The following PCDH11Y variants were observed in gnomAD, a reference collection of about 807,000 sequenced individuals.
PCDH11Y encodes the protein protocadherin-11 Y-linked.
For synonymous variants in PCDH11Y, 9 were observed against 83.6 expected (o/e 0.11, Z 4.87); for missense variants, 12 against 224.8 (o/e 0.05, Z 6.05).
chrY:5,506,527 C>T, intron 3 of PCDH11Y, among the ~76,000 whole-genome samples: 1 of 32,426 alleles, frequency 3.1e-5, no homozygotes, highest in Non-Finnish European at 7.6e-5. Context: ...AAATTATGCT[C>T]CCTTTAAAGG....
chrY:5,600,132 CTTTTTTTTTTTTTTT>C (rs2053471356), intron 4 of PCDH11Y, among the ~76,000 whole-genome samples: 1 of 12,139 alleles, frequency 8.2e-5, no homozygotes, highest in African/African-American at 3.3e-4. Flanking sequence ...GAGAAATATG[CTTTTTTTTTTTTTTT>C]TTTTTTTTTT....
intron 2 of PCDH11Y, among the ~76,000 whole-genome samples, chrY:5,246,577 G>A: frequency 3.0e-5 from 1 of 33,293 alleles, no homozygotes; most frequent in African/African-American, 1.2e-4. Flanking sequence ...AGCTCCTGTA[G>A]GAAGCACTAA....
At chrY:5,710,299 C>G in intron 4 of PCDH11Y, among the ~76,000 whole-genome samples, 2 of 31,517 alleles carry the variant, frequency 6.3e-5, no homozygotes, top group African/African-American at 2.5e-4. Context: ...TCGCCAGGGC[C>G]CCAAGGGAAA....
intron 2 of PCDH11Y, among the ~76,000 whole-genome samples, chrY:5,183,637 G>T: frequency 1.8e-4 from 5 of 28,415 alleles, no homozygotes; most frequent in Admixed American, 1.0e-3. Flanking sequence ...GTATAAAGTG[G>T]CACTGTTCCC....
chrY:5,037,650 A>G (rs1171211367), intron 3 of PCDH11Y: 1 of 113,677 alleles, frequency 8.8e-6, no homozygotes, highest in South Asian at 4.3e-5. Context: ...ATAAATTCTG[A>G]AAATTATCAT....
intron 4 of PCDH11Y, among the ~76,000 whole-genome samples, chrY:5,588,968 G>A (rs2053458350): frequency 9.2e-5 from 3 of 32,716 alleles, no homozygotes; most frequent in Admixed American, 8.3e-4. Flanking sequence ...TTTAAGGCCA[G>A]TTACTCTTAG....
At chrY:5,363,485 A>T in intron 2 of PCDH11Y, among the ~76,000 whole-genome samples, 1 of 32,256 alleles carries the variant, frequency 3.1e-5, no homozygotes, top group East Asian at 8.0e-4. Flanking sequence ...GAAATCTCAA[A>T]GTGAGGCCTT....
chrY:5,402,657 T>C (rs1414179226), intron 2 of PCDH11Y, among the ~76,000 whole-genome samples: 5 of 22,317 alleles, frequency 2.2e-4, no homozygotes, highest in African/African-American at 3.7e-4. Flanking sequence ...TATTTCTTTT[T>C]TTTTTTTTTT....
At chrY:5,201,212 A>G (rs2052926566) in intron 2 of PCDH11Y, among the ~76,000 whole-genome samples, 1 of 32,846 alleles carries the variant, frequency 3.0e-5, no homozygotes, top group Non-Finnish European at 7.5e-5. Context: ...CTTTTATGCT[A>G]TCTAGCCACT....
chrY:5,410,828 G>A (rs2124678376), intron 2 of PCDH11Y, among the ~76,000 whole-genome samples: 1 of 32,889 alleles, frequency 3.0e-5, no homozygotes, highest in South Asian at 6.9e-4. Flanking sequence ...GGACGATGGC[G>A]TCCAGCTCCA....
rs2124667212 is a variant in PCDH11Y at position 5,329,744 on chromosome Y, A to G, written c.3130-171313A>G. On this transcript the variant is annotated intron_variant, in intron 2 of 4. Coordinates refer to the PCDH11Y transcript ENST00000400457. Reference sequence around the variant, plus strand: ...AGGAATTGAAATTAAGAGAAGGGAGAGATTGAAGTGTGGTTCCAAGATTGA... The same window carrying G: ...AGGAATTGAAATTAAGAGAAGGGAGGGATTGAAGTGTGGTTCCAAGATTGA... 6.1e-4 allele frequency among the ~76,000 whole-genome samples: 20 copies of G among 32,951 alleles called. No homozygotes were observed. In the South Asian group the frequency reaches 0.014, roughly 23 times the overall value. The allele number at this position is 32,951 out of a possible 37,273, so 88.4% of individuals were successfully genotyped here.
chrY:5,529,552 C>T (rs2053390935), intron 3 of PCDH11Y, among the ~76,000 whole-genome samples: 1 of 32,479 alleles, frequency 3.1e-5, no homozygotes, highest in Non-Finnish European at 7.6e-5. Flanking sequence ...AATTATTTCA[C>T]ATTGCATGCC....
At chrY:5,296,121 G>A in intron 2 of PCDH11Y, among the ~76,000 whole-genome samples, 3 of 32,339 alleles carry the variant, frequency 9.3e-5, no homozygotes, top group Admixed American at 2.9e-4. Context: ...GGGCATTAAA[G>A]AGAGTTAGAT....
downstream of PCDH11Y, among the ~76,000 whole-genome samples, chrY:5,108,177 C>T: frequency 3.1e-5 from 1 of 31,903 alleles, no homozygotes; most frequent in Non-Finnish European, 7.6e-5. Context: ...GTACTGTATA[C>T]TTTCTCCCCT....
At chrY:5,638,226 GA>G (rs2053520359) in intron 4 of PCDH11Y, among the ~76,000 whole-genome samples, 1 of 29,296 alleles carries the variant, frequency 3.4e-5, no homozygotes, top group Non-Finnish European at 8.1e-5. Flanking sequence ...CAAAGGGCTG[GA>G]AAAAAATTTT....
intron 2 of PCDH11Y, among the ~76,000 whole-genome samples, chrY:5,410,740 G>A (rs2053246616): frequency 3.7e-5 from 1 of 26,851 alleles, no homozygotes; most frequent in East Asian, 9.9e-4. Context: ...TTGTATTCTT[G>A]TGTACTCAAT....
At chrY:5,586,033 C>A (rs2053455486) in intron 4 of PCDH11Y, among the ~76,000 whole-genome samples, 6 of 30,297 alleles carry the variant, frequency 2.0e-4, no homozygotes, top group Admixed American at 1.8e-3. Flanking sequence ...TAGTATGATA[C>A]CTCTGGCTTT....
At chrY:5,441,833 A>G in intron 2 of PCDH11Y, among the ~76,000 whole-genome samples, 2 of 32,849 alleles carry the variant, frequency 6.1e-5, no homozygotes, top group Admixed American at 5.6e-4. Flanking sequence ...ATTTCTATTC[A>G]ACATGGATAT....
intron 1 of PCDH11Y, among the ~76,000 whole-genome samples, chrY:5,014,141 A>G (rs2124618830): frequency 3.4e-5 from 1 of 29,774 alleles, no homozygotes; most frequent in Non-Finnish European, 8.0e-5. Context: ...CAGGTATTGC[A>G]TATATTATAT....
Sources: allele counts gnomAD v4.1 joint callset (sites outside exome capture counted in the v4.1 genomes callset), GRCh38; gene constraint gnomAD v4.1.1; transcripts MANE v1.5; gene names NCBI Gene and HGNC (gene_info 2026-07-23, HGNC 2026-07-21).